ABCA1: variants seen among roughly 807,000 people sequenced by gnomAD.
ABCA1 encodes phospholipid-transporting ATPase ABCA1.
A neutral mutation model predicts 262.5 loss-of-function variants in ABCA1; 133 were observed. That is an observed-to-expected ratio of 0.51 (90% CI 0.44 to 0.59). The LOEUF is 0.59. ABCA1 is among the 20% of genes least tolerant of loss of function. ABCA1 has a pLI of 0.00. For synonymous variants in ABCA1, 1,022 were observed against 1,043.5 expected (o/e 0.98, Z 0.40); for missense variants, 2,452 against 2,777.5 (o/e 0.88, Z 2.63).
At chr9:104,911,354 C>A (rs991715078) in intron 1 of ABCA1, among the ~76,000 whole-genome samples, 2 of 152,210 alleles carry the variant, frequency 1.3e-5, no homozygotes, top group African/African-American at 4.8e-5. Context: ...GGTCTGTTCT[C>A]TAATTGCCTC....
intron 11 of ABCA1, among the ~76,000 whole-genome samples, chr9:104,834,247 T>C (rs1833599066): frequency 6.7e-6 from 1 of 149,922 alleles, no homozygotes; most frequent in South Asian, 2.1e-4. Flanking sequence ...TTCTCTCATA[T>C]GGTGACTTCT....
chr9:104,877,272 C>T (rs1838241948), intron 5 of ABCA1, among the ~76,000 whole-genome samples: 1 of 152,160 alleles, frequency 6.6e-6, no homozygotes, highest in African/African-American at 2.4e-5. Context: ...TTTACTTGAC[C>T]CTCACAATAC....
At chr9:104,829,947 C>CACACACAT (rs1359744704) in intron 14 of ABCA1, among the ~76,000 whole-genome samples, 1 of 63,664 alleles carries the variant, frequency 1.6e-5, no homozygotes, top group African/African-American at 9.8e-5. Context: ...GATCCCTACA[C>CACACACAT]ACACACACAC....
intron 17 of ABCA1, chr9:104,825,476 GCA>G: frequency 1.6e-6 from 1 of 635,250 alleles, no homozygotes; most frequent in South Asian, 1.8e-5. Context: ...ATGCTGCCTG[GCA>G]CACAGTTTTC....
In ABCA1 at chr9:104,837,092, T is replaced by A; in HGVS notation, c.1199A>T (p.Asn400Ile). Residue 400 changes from asparagine (N) to isoleucine (I), a missense_variant, in exon 11 of 50, where the codon AAC becomes ATC. This residue lies in a region of ABCA1 where 1,032 missense variants were observed against 1,089.7 expected (regional missense o/e 0.95). Coordinates refer to ENST00000374736, the MANE Select transcript of ABCA1 (RefSeq NM_005502.4). The stretch of plus-strand genomic sequence containing the variant: ...CACAGCCAGTTCCTGGAAGGTCTTG[T>A]TCACCTGGAGTCAGGTGGGGAGCCA... The part of the protein sequence containing the change: ...PATRQVMAEV[N>I]KTFQELAVFH... 6.2e-7 allele frequency: 1 copy of A among 1,612,896 alleles called. No homozygotes were observed. The highest frequency in any genetic ancestry group is 8.5e-7 in the Non-Finnish European group (1 of 1,179,764).
intron 28 of ABCA1, among the ~76,000 whole-genome samples, chr9:104,812,151 A>T (rs1410645813): frequency 1.3e-5 from 2 of 152,200 alleles, no homozygotes; most frequent in African/African-American, 4.8e-5. Flanking sequence ...ATAAATTCAC[A>T]TGTCAAGTGC....
At chr9:104,820,101 C>T (rs1447520808) in intron 20 of ABCA1, 32 bp from the exon 21 acceptor site, 1 of 1,613,966 alleles carries the variant, frequency 6.2e-7, no homozygotes, top group South Asian at 1.1e-5. Context: ...AGCTCTGGGC[C>T]CTACTGGATA....
At chr9:104,819,763 C>T (rs746840306) in intron 21 of ABCA1, 40 bp from the exon 22 acceptor site, 4 of 1,613,968 alleles carry the variant, frequency 2.5e-6, no homozygotes, top group Non-Finnish European at 1.7e-6. Flanking sequence ...AGGACCAGCC[C>T]CAGACAGTGA....
intron 3 of ABCA1, among the ~76,000 whole-genome samples, chr9:104,886,272 G>A (rs796150577): frequency 6.6e-6 from 1 of 152,100 alleles, no homozygotes; most frequent in Admixed American, 6.6e-5. Context: ...CATGCAAATG[G>A]GCTGAGAAGT....
intron 2 of ABCA1, among the ~76,000 whole-genome samples, chr9:104,891,158 T>C (rs1680952016): frequency 6.6e-6 from 1 of 152,190 alleles, no homozygotes; most frequent in African/African-American, 2.4e-5. Context: ...CTTCAGATTG[T>C]TTTGGGTGTT....
At chr9:104,884,327 C>T (rs1838962339) in intron 4 of ABCA1, 100 bp downstream of exon 4, 1 of 1,493,164 alleles carries the variant, frequency 6.7e-7, no homozygotes. Flanking sequence ...ACAAAAACAA[C>T]TTCACTTAAA....
chr9:104,786,229 T>C, intron 48 of ABCA1, 69 bp downstream of exon 48: 1 of 1,287,854 alleles, frequency 7.8e-7, no homozygotes, highest in Admixed American at 1.7e-5. Context: ...GCACCATTTA[T>C]ATACTCACAA....
Position 104,782,135 on chromosome 9 carries a change from T to G in ABCA1, c.*2180A>C, listed in dbSNP as rs1178505471. 6.6e-6 allele frequency: 1 copy of G among 152,064 alleles called. No homozygotes were observed. The highest frequency in any genetic ancestry group is 1.5e-5 in the Non-Finnish European group (1 of 67,964). The allele number at this position is 152,064 out of a possible 1,614,324, so 9.4% of individuals were successfully genotyped here. On this transcript the variant is annotated 3_prime_UTR_variant, in exon 50 of 50. Coordinates refer to ENST00000374736, the MANE Select transcript of ABCA1 (RefSeq NM_005502.4). Reference sequence around the variant, plus strand: ...GAATTAGAATACGATTTTAGTAAAATGAGGAAACCATAACTTTGATTTTGA... The same window carrying G: ...GAATTAGAATACGATTTTAGTAAAAGGAGGAAACCATAACTTTGATTTTGA...
intron 1 of ABCA1, among the ~76,000 whole-genome samples, chr9:104,908,548 T>A (rs1449360732): frequency 6.6e-6 from 1 of 152,036 alleles, no homozygotes; most frequent in African/African-American, 2.4e-5. Flanking sequence ...GTGCCTGTAA[T>A]CCCAGCTACT....
At chr9:104,860,365 T>C (rs1836258209) in intron 6 of ABCA1, among the ~76,000 whole-genome samples, 1 of 152,246 alleles carries the variant, frequency 6.6e-6, no homozygotes, top group African/African-American at 2.4e-5. Context: ...CCTGATGCCT[T>C]TGGCCCATCT....
Position 104,806,262 on chromosome 9 carries a change from T to C in ABCA1, c.4443A>G (p.Ala1481=). ...TCACTTGTGGAGGAGGCAGCCCCCC[T>C]GCCCCTGGGGGACACACAGGCAGCA... ...KKMLPVCPPG[A]GGLPPPQRKQ... The change falls in exon 31 of 50, where the codon GCA becomes GCG. Residue 1481 remains alanine (A), a synonymous_variant. Transcript: ENST00000374736. 6.2e-7 allele frequency: 1 copy of C among 1,613,428 alleles called. No homozygotes were observed. Among genetic ancestry groups the C allele is most frequent in the Non-Finnish European group, 8.5e-7 (1 of 1,180,002 alleles).
intron 5 of ABCA1, among the ~76,000 whole-genome samples, chr9:104,866,560 A>G (rs536469551): frequency 6.6e-6 from 1 of 151,564 alleles, no homozygotes; most frequent in African/African-American, 2.4e-5. Flanking sequence ...GGCTCATTGC[A>G]ACCTCCAAAG....
chr9:104,801,960 A>G, intron 34 of ABCA1, 94 bp downstream of exon 34: 1 of 1,133,294 alleles, frequency 8.8e-7, no homozygotes, highest in East Asian at 2.4e-5. Flanking sequence ...CAGAACAATG[A>G]GCTGCCAGGT....
rs544227027 is a variant in ABCA1 at position 104,817,136 on chromosome 9, G to A, written c.3535+196C>T. 11 of 891,024 alleles carry A rather than the reference G, an allele frequency of 1.2e-5. No individual in the cohort carries two copies. The South Asian group carries it at 1.6e-4, about 13-fold the overall frequency. 55.2% of individuals were successfully genotyped at this position (891,024 alleles called of 1,614,324 possible). On this transcript the variant is annotated intron_variant, in intron 24 of 49. Coordinates refer to ENST00000374736, the MANE Select transcript of ABCA1 (RefSeq NM_005502.4). The surrounding 1 kb of genome is among the most constrained non-coding windows in gnomAD (Gnocchi z 4.7). Reference sequence around the variant, plus strand: ...ACACTGCCCTGCTAGCTCCCAAACCGAGCCCCAGGCACCCCAGCAAGCATT... The same window carrying A: ...ACACTGCCCTGCTAGCTCCCAAACCAAGCCCCAGGCACCCCAGCAAGCATT...
Sources: gnomAD v4.1 joint callset for allele counts (sites outside exome capture counted in the v4.1 genomes callset) on GRCh38, gnomAD v4.1.1 for gene constraint, gnomAD v4.1.1 regional missense constraint, Gnocchi (gnomAD v3.1) non-coding constraint, MANE v1.5 for transcripts, NCBI Gene and HGNC (gene_info 2026-07-23, HGNC 2026-07-21) for gene names.